Variants in ASH1L observed in about 807,000 individuals in gnomAD.
The protein encoded by ASH1L is ASH1 like histone lysine methyltransferase.
ASH1L carries 23 observed loss-of-function variants against 269.0 expected under a neutral mutation model. That is an observed-to-expected ratio of 0.09 (90% CI 0.06 to 0.12). The LOEUF is 0.12. ASH1L is among the 10% of genes least tolerant of loss of function. ASH1L has a pLI of 1.00. For synonymous variants in ASH1L, 1,187 were observed against 1,253.5 expected (o/e 0.95, Z 1.12); for missense variants, 2,912 against 3,567.8 (o/e 0.82, Z 4.68).
intron 6 of ASH1L, among the ~76,000 whole-genome samples, chr1:155,404,994 C>A (rs918224225): frequency 6.6e-6 from 1 of 150,960 alleles, no homozygotes; most frequent in African/African-American, 2.4e-5. Flanking sequence ...CACCACTGCA[C>A]GCCAGCCTGG....
chr1:155,414,951 G>A (rs540139768), intron 6 of ASH1L, among the ~76,000 whole-genome samples: 2 of 152,202 alleles, frequency 1.3e-5, no homozygotes, highest in Admixed American at 1.3e-4. Context: ...TTAAAAGCAA[G>A]GCAAATATTT....
intron 5 of ASH1L, among the ~76,000 whole-genome samples, chr1:155,430,795 T>C (rs1237873639): frequency 1.3e-5 from 2 of 152,204 alleles, no homozygotes; most frequent in African/African-American, 4.8e-5. Context: ...CTTATTTTCA[T>C]AAAATTGTTT....
intron 4 of ASH1L, among the ~76,000 whole-genome samples, chr1:155,444,327 A>C (rs1662834524): frequency 6.6e-6 from 1 of 152,130 alleles, no homozygotes; most frequent in South Asian, 2.1e-4. Flanking sequence ...AATTTTTACA[A>C]AGTGATTGTT....
Position 155,438,789 on chromosome 1 carries a change from C to T in ASH1L, c.5366G>A (p.Ser1789Asn). 6.2e-7 allele frequency: 1 copy of T among 1,614,220 alleles called. No individual in the cohort carries two copies. The highest frequency in any genetic ancestry group is 8.5e-7 in the Non-Finnish European group (1 of 1,180,050). ...TCTCTTGATATGATGGGGGGAACAG[C>T]TGCTTGTCAACTTTTCAGATAGGAG... is the stretch of plus-strand genomic sequence containing the variant. The part of the protein sequence containing the change: ...ISLLSEKLTS[S>N]CSPHHIKRSV... The change falls in exon 5 of 28, where the codon AGC becomes AAC. Residue 1789 changes from serine to asparagine, a missense_variant. By Grantham distance (46) the Ser-to-Asn change is conservative. Around this residue, in one of 13 missense-constraint regions of ASH1L, gnomAD observed 789 missense variants for 897.6 expected, o/e 0.88. Coordinates refer to ENST00000392403, the MANE Select transcript of ASH1L (RefSeq NM_018489.3).
chr1:155,478,845 C>T lies in ASH1L; in HGVS notation c.4025G>A (p.Arg1342Gln), dbSNP rs779477897. The change falls in exon 3 of 28, where the codon CGA becomes CAA. Residue 1342 changes from arginine to glutamine, a missense_variant. Coordinates refer to ENST00000392403, the MANE Select transcript of ASH1L (RefSeq NM_018489.3). The surrounding 1 kb of genome is among the most constrained non-coding windows in gnomAD (Gnocchi z 4.6). ...SFPLDPLHYI[R>Q]KPDLKKKRGR... ...TCTTTTCTTTTTTAAGTCAGGTTTT[C>T]GAATGTAGTGCAAAGGGTCTAAGGG... 12 of 1,613,642 alleles carry T rather than the reference C, an allele frequency of 7.4e-6. No homozygotes were observed. The highest frequency in any genetic ancestry group is 6.7e-5 in the Admixed American group (4 of 59,934).
intron 2 of ASH1L, among the ~76,000 whole-genome samples, chr1:155,507,767 C>T (rs565076283): frequency 9.1e-4 from 138 of 152,182 alleles, no homozygotes; most frequent in African/African-American, 3.1e-3. Flanking sequence ...CTAGTGATTC[C>T]GGAAGCTGAG....
intron 3 of ASH1L, among the ~76,000 whole-genome samples, chr1:155,469,463 G>A (rs1327600863): frequency 6.6e-6 from 1 of 152,004 alleles, no homozygotes; most frequent in Non-Finnish European, 1.5e-5. Context: ...GATTACAGGC[G>A]TGAGCCACCA....
intron 4 of ASH1L, among the ~76,000 whole-genome samples, chr1:155,444,661 G>A (rs1662861267): frequency 6.6e-6 from 1 of 151,890 alleles, no homozygotes; most frequent in Non-Finnish European, 1.5e-5. Context: ...TATCACCCAG[G>A]CCGGAGTACA....
intron 2 of ASH1L, among the ~76,000 whole-genome samples, chr1:155,502,382 AAAAGCAAAATCTTAGGAAT>A (rs1667574801): frequency 6.6e-6 from 1 of 152,104 alleles, no homozygotes; most frequent in Admixed American, 6.5e-5. Flanking sequence ...TAGTGTATTC[AAAAGCAAAATCTTAGGAAT>A]AAGGAAATAA....
At chr1:155,459,466 G>A (rs1664130046) in intron 4 of ASH1L, among the ~76,000 whole-genome samples, 1 of 152,218 alleles carries the variant, frequency 6.6e-6, no homozygotes, top group African/African-American at 2.4e-5. Flanking sequence ...AAAGTGCTGG[G>A]ATTATAGGCG....
chr1:155,382,051 A>G (rs965910056), intron 7 of ASH1L, among the ~76,000 whole-genome samples: 22 of 151,838 alleles, frequency 1.4e-4, no homozygotes, highest in African/African-American at 5.3e-4. Flanking sequence ...TGCTAAAAAT[A>G]CAAAAATTAG....
rs186764491 is a variant in ASH1L, at chr1:155,460,557, G to A, written c.4985-659C>T. Among the ~76,000 whole-genome samples the A allele has an allele frequency of 1.1e-3, 167 of 152,284 alleles. 1 individual carries two copies. The highest frequency in any genetic ancestry group is 3.8e-3 in the African/African-American group (157 of 41,560). ...TGGGAGGCAGAGGTTGCAGTGAGCC[G>A]AGATTGCGCCATTGCACTGCAGCCT... On this transcript the variant is annotated intron_variant, in intron 3 of 27. Transcript: ENST00000392403.
At chr1:155,505,922 T>C (rs534921278) in intron 2 of ASH1L, among the ~76,000 whole-genome samples, 9 of 152,306 alleles carry the variant, frequency 5.9e-5, no homozygotes, top group African/African-American at 1.7e-4. Flanking sequence ...CTGTGCCATG[T>C]TGGTGTGCTG....
chr1:155,472,049 G>A (rs1317641067), intron 3 of ASH1L, among the ~76,000 whole-genome samples: 1 of 152,154 alleles, frequency 6.6e-6, no homozygotes, highest in Non-Finnish European at 1.5e-5. Flanking sequence ...CCAGTACTCT[G>A]GAAGGCTGAG....
At chr1:155,437,890 TG>T (rs1662227340) in intron 5 of ASH1L, among the ~76,000 whole-genome samples, 1 of 152,242 alleles carries the variant, frequency 6.6e-6, no homozygotes, top group Non-Finnish European at 1.5e-5. Context: ...GGTCTCGCTC[TG>T]TCGCCCAGGT....
chr1:155,462,525 C>T (rs72993455), intron 3 of ASH1L, among the ~76,000 whole-genome samples: 1 of 152,160 alleles, frequency 6.6e-6, no homozygotes, highest in East Asian at 1.9e-4. Context: ...GCTTCAGAGG[C>T]AGTGGGAGAT....
chr1:155,360,725 G>A (rs186066995), intron 12 of ASH1L, among the ~76,000 whole-genome samples: 4 of 151,594 alleles, frequency 2.6e-5, no homozygotes, highest in African/African-American at 9.7e-5. Context: ...TTATAGGTAT[G>A]AGCCACCACG....
At chr1:155,541,074 C>T (rs1393533380) in intron 1 of ASH1L, among the ~76,000 whole-genome samples, 1 of 152,168 alleles carries the variant, frequency 6.6e-6, no homozygotes, top group Non-Finnish European at 1.5e-5. Context: ...TACTATAAGT[C>T]TCTTAATATG....
At chr1:155,392,783 C>A (rs1303485292) in intron 7 of ASH1L, among the ~76,000 whole-genome samples, 1 of 152,090 alleles carries the variant, frequency 6.6e-6, no homozygotes, top group African/African-American at 2.4e-5. Context: ...AATTGTTATT[C>A]CCGGGAGGGT....
Sources: allele counts gnomAD v4.1 joint callset (sites outside exome capture counted in the v4.1 genomes callset), GRCh38; gene constraint gnomAD v4.1.1; regional missense constraint gnomAD v4.1.1; non-coding constraint Gnocchi (gnomAD v3.1); transcripts MANE v1.5; gene names NCBI Gene and HGNC (gene_info 2026-07-23, HGNC 2026-07-21).